The following TAB2 variants were observed in gnomAD, a reference collection of about 807,000 sequenced individuals.
TAB2 encodes TGF-beta-activated kinase 1 and MAP3K7-binding protein 2.
Under a neutral mutation model 65.0 loss-of-function variants are expected in TAB2, and 3 were observed. The observed-to-expected ratio is 0.05, with a 90% CI of 0.02 to 0.12. The LOEUF is 0.12. Among genes scored for constraint, TAB2 ranks in the 10% least tolerant of loss-of-function variants. The pLI is 1.00. For missense variants in TAB2, 623 were observed against 840.3 expected, an observed-to-expected ratio of 0.74 and a Z score of 3.20; for synonymous variants, 298 against 285.1, an observed-to-expected ratio of 1.05 and a Z score of -0.46.
intron 1 of TAB2, among the ~76,000 whole-genome samples, chr6:149,250,097 A>G (rs1278452423): frequency 6.6e-6 from 1 of 152,142 alleles, no homozygotes; most frequent in African/African-American, 2.4e-5. Flanking sequence ...TGAAAATAAT[A>G]AAGGACTGTG....
intron 1 of TAB2, among the ~76,000 whole-genome samples, chr6:149,279,709 C>G (rs891590913): frequency 1.8e-4 from 27 of 152,332 alleles, no homozygotes; most frequent in African/African-American, 6.5e-4. Context: ...TAACGAATCT[C>G]AAGTTCCTTT....
chr6:149,259,849 T>C (rs1778116356), intron 1 of TAB2, among the ~76,000 whole-genome samples: 1 of 152,202 alleles, frequency 6.6e-6, no homozygotes, highest in Non-Finnish European at 1.5e-5. Context: ...GGACATAGCC[T>C]GGCCCCTCCC....
intron 1 of TAB2, chr6:149,244,128 G>C (rs2075757420): frequency 6.6e-6 from 1 of 152,230 alleles, no homozygotes; most frequent in Non-Finnish European, 1.5e-5. Flanking sequence ...GCACCAACAG[G>C]TGCTATTGTA....
rs116574996 is a variant in TAB2 at position 149,402,776 on chromosome 6, C to A, written c.1939+3592C>A. Among the ~76,000 whole-genome samples the A allele has an allele frequency of 6.8e-3, 1,030 of 152,220 alleles. 8 individuals are homozygous for A. Among genetic ancestry groups the A allele is most frequent in the African/African-American group, 0.023 (975 of 41,534 alleles). ...CTGAGCACATTAAAAGGACCATACGCCATGACCAAGTGGGGTTTATCTCTG... is the reference window on the plus strand; with the variant it reads ...CTGAGCACATTAAAAGGACCATACGACATGACCAAGTGGGGTTTATCTCTG... On this transcript the variant is annotated intron_variant, in intron 6 of 6. Transcript: ENST00000637181.
intron 1 of TAB2, among the ~76,000 whole-genome samples, chr6:149,304,989 T>A (rs751858797): frequency 1.3e-5 from 2 of 152,252 alleles, no homozygotes; most frequent in Non-Finnish European, 2.9e-5. Flanking sequence ...TGATTTATGA[T>A]ACCAAATACA....
At chr6:149,290,082 T>C (rs1037291994) in intron 1 of TAB2, among the ~76,000 whole-genome samples, 3 of 152,196 alleles carry the variant, frequency 2.0e-5, no homozygotes, top group African/African-American at 7.2e-5. Flanking sequence ...TTGTACATGT[T>C]TCTTATTAGA....
intron 1 of TAB2, among the ~76,000 whole-genome samples, chr6:149,305,746 A>C (rs1779056477): frequency 6.6e-6 from 1 of 152,230 alleles, no homozygotes; most frequent in Non-Finnish European, 1.5e-5. Flanking sequence ...TGGAGTCTAC[A>C]AATGTTTCCT....
chr6:149,353,466 T>C (rs1780556021), intron 1 of TAB2, among the ~76,000 whole-genome samples: 1 of 152,208 alleles, frequency 6.6e-6, no homozygotes, highest in African/African-American at 2.4e-5. Context: ...CCCCAAGTGA[T>C]TTAGATGTGC....
intron 3 of TAB2, among the ~76,000 whole-genome samples, chr6:149,394,033 C>G (rs1782085474): frequency 6.6e-6 from 1 of 152,104 alleles, no homozygotes; most frequent in Non-Finnish European, 1.5e-5. Flanking sequence ...TTTATCACCT[C>G]AGATATTTCT....
At chr6:149,399,261 C>A in intron 6 of TAB2, 77 bp downstream of exon 6, 1 of 1,073,336 alleles carries the variant, frequency 9.3e-7, no homozygotes, top group East Asian at 2.4e-5. Context: ...GTTCAGCAAC[C>A]TTCCTCTCTA....
chr6:149,277,864 T>C (rs1778505311), intron 1 of TAB2, among the ~76,000 whole-genome samples: 1 of 152,178 alleles, frequency 6.6e-6, no homozygotes, highest in African/African-American at 2.4e-5. Context: ...TTTTAGTATT[T>C]TGATATAGTT....
intron 1 of TAB2, among the ~76,000 whole-genome samples, chr6:149,224,569 G>A (rs541496670): frequency 5.9e-5 from 9 of 152,202 alleles, no homozygotes; most frequent in Admixed American, 5.9e-4. Flanking sequence ...CACTTACGGC[G>A]GTTCTCACTC....
intron 1 of TAB2, among the ~76,000 whole-genome samples, chr6:149,256,272 C>T (rs192773156): frequency 9.6e-4 from 146 of 152,246 alleles, no homozygotes; most frequent in African/African-American, 3.4e-3. Context: ...TTCTGTTGTA[C>T]TACTAGAGGG....
intron 1 of TAB2, among the ~76,000 whole-genome samples, chr6:149,238,517 C>A (rs1279882313): frequency 1.3e-5 from 2 of 152,194 alleles, no homozygotes; most frequent in Admixed American, 1.3e-4. Flanking sequence ...CCCAGTGGCT[C>A]AGTGCTGAAC....
intron 6 of TAB2, among the ~76,000 whole-genome samples, chr6:149,403,321 CAT>C (rs1252306211): frequency 9.1e-5 from 6 of 65,664 alleles, no homozygotes; most frequent in Admixed American, 1.8e-4. Context: ...TATACACACA[CAT>C]ATATATACAT....
chr6:149,256,061 T>TCAA (rs767987513), intron 1 of TAB2, among the ~76,000 whole-genome samples: 15 of 152,134 alleles, frequency 9.9e-5, no homozygotes, highest in Non-Finnish European at 2.1e-4. Context: ...AAGCCTCTGA[T>TCAA]CAACCAGTAT....
chr6:149,293,980 AT>A (rs1778828865), intron 1 of TAB2, among the ~76,000 whole-genome samples: 1 of 152,196 alleles, frequency 6.6e-6, no homozygotes. Context: ...CTGAAAAAAA[AT>A]TAATAGAAGA....
At chr6:149,242,631 G>C (rs1319203140) in intron 1 of TAB2, among the ~76,000 whole-genome samples, 3 of 152,200 alleles carry the variant, frequency 2.0e-5, no homozygotes, top group Non-Finnish European at 2.9e-5. Flanking sequence ...TTCGATGTGA[G>C]ACACACACTT....
chr6:149,403,246 AAATATAT>A lies in TAB2; in HGVS notation c.1939+4064_1939+4070del, dbSNP rs1329443390. 6.9e-4 allele frequency among the ~76,000 whole-genome samples: 22 copies of A among 31,704 alleles called. 2 individuals are homozygous for A. The highest frequency in any genetic ancestry group is 9.0e-4 in the Non-Finnish European group (18 of 19,926). The allele number at this position is 31,704 out of a possible 152,430, so 20.8% of individuals were successfully genotyped here. A position where few individuals can be genotyped will look rare whatever the true frequency, so the allele number is the denominator to read the frequency against. On this transcript the variant is annotated intron_variant, in intron 6 of 6. Transcript: ENST00000637181. ...CGAAACTCTTGTCTAAAAAAAAAAA[AAATATAT>A]ATATATATATATATATATATATATA...
Sources: gnomAD v4.1 joint callset for allele counts (sites outside exome capture counted in the v4.1 genomes callset) on GRCh38, gnomAD v4.1.1 for gene constraint, MANE v1.5 for transcripts, NCBI Gene and HGNC (gene_info 2026-07-23, HGNC 2026-07-21) for gene names.